LARS2: variants seen among roughly 807,000 people sequenced by gnomAD.
LARS2 encodes the protein leucine--tRNA ligase, mitochondrial.
A neutral mutation model predicts 116.6 loss-of-function variants in LARS2; 81 were observed. That is an observed-to-expected ratio of 0.69 (90% CI 0.58 to 0.84). The LOEUF (loss-of-function observed/expected upper bound fraction) is 0.84. LARS2 is among the 40% of genes least tolerant of loss of function. LARS2 has a pLI of 0.00. For synonymous variants in LARS2, 396 were observed against 407.2 expected (o/e 0.97, Z 0.33); for missense variants, 968 against 1,114.5 (o/e 0.87, Z 1.87).
intron 6 of LARS2, among the ~76,000 whole-genome samples, chr3:45,420,626 A>G (rs755287510): frequency 2.0e-5 from 3 of 152,194 alleles, no homozygotes; most frequent in Non-Finnish European, 4.4e-5. Flanking sequence ...ATAAGCCCTG[A>G]ATTATTATTT....
chr3:45,447,817 G>C (rs1699047212), intron 7 of LARS2, among the ~76,000 whole-genome samples: 1 of 152,194 alleles, frequency 6.6e-6, no homozygotes, highest in Non-Finnish European at 1.5e-5. Flanking sequence ...TATGGTGGGA[G>C]CTCAATAATG....
At chr3:45,509,007 G>C (rs139876918) in intron 15 of LARS2, among the ~76,000 whole-genome samples, 1 of 152,026 alleles carries the variant, frequency 6.6e-6, no homozygotes, top group African/African-American at 2.4e-5. Context: ...TGAAGAAATT[G>C]TGAAGATCTC....
chr3:45,410,112 G>T (rs1470821648), intron 4 of LARS2, among the ~76,000 whole-genome samples: 3 of 152,154 alleles, frequency 2.0e-5, no homozygotes, highest in African/African-American at 7.2e-5. Context: ...GTGCCATTTT[G>T]GCAGTTCTGA....
intron 6 of LARS2, among the ~76,000 whole-genome samples, chr3:45,445,247 C>A (rs1559471700): frequency 6.6e-6 from 1 of 152,186 alleles, no homozygotes; most frequent in Non-Finnish European, 1.5e-5. Flanking sequence ...GAGCATACTA[C>A]AATGAGCAAA....
chr3:45,414,825 T>A (rs1172500241), intron 4 of LARS2, among the ~76,000 whole-genome samples: 1 of 152,192 alleles, frequency 6.6e-6, no homozygotes, highest in Non-Finnish European at 1.5e-5. Context: ...TGGGCTGTTT[T>A]CTATAACAGA....
At chr3:45,540,990 C>T (rs926946072) in intron 20 of LARS2, among the ~76,000 whole-genome samples, 4 of 152,058 alleles carry the variant, frequency 2.6e-5, no homozygotes, top group African/African-American at 9.7e-5. Context: ...CTGTGTTCCC[C>T]AGCCTTGTCT....
intron 7 of LARS2, among the ~76,000 whole-genome samples, chr3:45,453,383 A>G (rs1020699355): frequency 3.3e-5 from 5 of 152,104 alleles, no homozygotes; most frequent in African/African-American, 1.2e-4. Flanking sequence ...TTAATGGTTT[A>G]TTATGCTTGG....
chr3:45,437,094 C>T (rs1043787937), intron 6 of LARS2, among the ~76,000 whole-genome samples: 1 of 152,160 alleles, frequency 6.6e-6, no homozygotes, highest in African/African-American at 2.4e-5. Context: ...ACTGCAAAGA[C>T]CATGATTTCC....
chr3:45,443,399 C>T (rs973532218), intron 6 of LARS2, among the ~76,000 whole-genome samples: 11 of 152,172 alleles, frequency 7.2e-5, no homozygotes, highest in Non-Finnish European at 1.3e-4. Context: ...ATGAGAAAAT[C>T]AGGGAAGGTT....
chr3:45,477,318 G>T (rs1299720635), intron 10 of LARS2, among the ~76,000 whole-genome samples: 1 of 152,204 alleles, frequency 6.6e-6, no homozygotes, highest in Non-Finnish European at 1.5e-5. Context: ...CAGTCCGAAG[G>T]GGGACTTGGA....
intron 8 of LARS2, among the ~76,000 whole-genome samples, chr3:45,473,213 G>A (rs935631996): frequency 6.6e-6 from 1 of 152,112 alleles, no homozygotes; most frequent in African/African-American, 2.4e-5. Flanking sequence ...AAACTTAGCA[G>A]TTATGTTTTT....
At chr3:45,514,700 A>C (rs1403551624) in intron 16 of LARS2, among the ~76,000 whole-genome samples, 2 of 152,220 alleles carry the variant, frequency 1.3e-5, no homozygotes, top group Admixed American at 6.5e-5. Context: ...TTTCAGGGCA[A>C]CATCTGCCAA....
intron 20 of LARS2, among the ~76,000 whole-genome samples, chr3:45,529,577 C>T (rs1017038158): frequency 8.6e-5 from 13 of 151,574 alleles, no homozygotes; most frequent in African/African-American, 2.9e-4. Context: ...TGCTAAATAG[C>T]TAATGTTTAC....
At chr3:45,416,851 G>C (rs1206132469) in intron 4 of LARS2, among the ~76,000 whole-genome samples, 1 of 152,110 alleles carries the variant, frequency 6.6e-6, no homozygotes, top group East Asian at 1.9e-4. Flanking sequence ...GATGCGGGCG[G>C]ATCACGAGGT....
intron 20 of LARS2, among the ~76,000 whole-genome samples, chr3:45,532,804 G>T (rs1463642262): frequency 6.6e-6 from 1 of 152,092 alleles, no homozygotes; most frequent in Non-Finnish European, 1.5e-5. Flanking sequence ...ACCATGCCCG[G>T]CTAATTTTTG....
At chr3:45,521,226 A>G (rs1700449318) in intron 19 of LARS2, among the ~76,000 whole-genome samples, 1 of 152,094 alleles carries the variant, frequency 6.6e-6, no homozygotes, top group African/African-American at 2.4e-5. Flanking sequence ...AATGGTGTGA[A>G]CCCAGGTGGC....
rs1223791902 is a variant in LARS2, at chr3:45,394,516, T to C, written c.63T>C (p.Gly21=). 2 of 1,613,966 alleles carry C rather than the reference T, an allele frequency of 1.2e-6. No individual in the cohort carries two copies. Among genetic ancestry groups the C allele is most frequent in the African/African-American group, 2.7e-5 (2 of 74,896 alleles). Residue 21 remains glycine, a synonymous_variant, in exon 3 of 22, where the codon GGT becomes GGC. Coordinates refer to ENST00000645846, the MANE Select transcript of LARS2 (RefSeq NM_015340.4). Reference sequence around the variant, plus strand: ...CTCTTCTGAAAAGACAGCTAAATGGTGGGCCAGATGTCATCAAGTGGGAAA... The same window carrying C: ...CTCTTCTGAAAAGACAGCTAAATGGCGGGCCAGATGTCATCAAGTGGGAAA... ...YASLLKRQLN[G]GPDVIKWERR... is the part of the protein sequence containing the mutation.
At chr3:45,529,294 C>T (rs1700579562) in intron 20 of LARS2, among the ~76,000 whole-genome samples, 4 of 152,024 alleles carry the variant, frequency 2.6e-5, no homozygotes, top group South Asian at 2.1e-4. Flanking sequence ...CCGCCGGGCA[C>T]GGTAGCTCAC....
At chr3:45,413,689 G>A (rs1458675793) in intron 4 of LARS2, among the ~76,000 whole-genome samples, 8 of 152,158 alleles carry the variant, frequency 5.3e-5, no homozygotes, top group African/African-American at 1.2e-4. Flanking sequence ...TTGTTTCATC[G>A]GACTACTAAA....
Sources: allele counts gnomAD v4.1 joint callset (sites outside exome capture counted in the v4.1 genomes callset), GRCh38; gene constraint gnomAD v4.1.1; transcripts MANE v1.5; gene names NCBI Gene and HGNC (gene_info 2026-07-23, HGNC 2026-07-21).